CFAP74: variants seen among roughly 807,000 people sequenced by gnomAD.
CFAP74 encodes the protein cilia- and flagella-associated protein 74.
CFAP74 carries 124 observed loss-of-function variants against 188.9 expected under a neutral mutation model. The observed-to-expected ratio is 0.66, with a 90% CI of 0.57 to 0.76. The LOEUF (loss-of-function observed/expected upper bound fraction) is 0.76. Ranked by LOEUF, CFAP74 falls within the 30% of genes least tolerant of loss-of-function variation. CFAP74 has a pLI of 0.00. For missense variants in CFAP74, 2,198 were observed against 2,165.2 expected (o/e 1.02, Z -0.30); for synonymous variants, 956 against 916.7 (o/e 1.04, Z -0.77).
intron 8 of CFAP74, among the ~76,000 whole-genome samples, chr1:1,972,606 G>A (rs538909730): frequency 6.6e-6 from 1 of 152,356 alleles, no homozygotes; most frequent in Non-Finnish European, 1.5e-5. Flanking sequence ...GGCACTTTGG[G>A]AGGCTGAGGC....
At chr1:1,988,128 G>A in intron 4 of CFAP74, 1 of 477,830 alleles carries the variant, frequency 2.1e-6, no homozygotes, top group South Asian at 1.5e-5. Flanking sequence ...TAGTTTTTAG[G>A]AGACGCTGAA....
intron 11 of CFAP74, among the ~76,000 whole-genome samples, chr1:1,967,326 G>A (rs1050299488): frequency 5.9e-5 from 9 of 151,974 alleles, no homozygotes; most frequent in East Asian, 1.9e-4. Flanking sequence ...CCTGGGGACC[G>A]TCCTATGGAG....
chr1:1,932,396 C>CAAAA (rs374579472), intron 25 of CFAP74, among the ~76,000 whole-genome samples: 1 of 98,254 alleles, frequency 1.0e-5, no homozygotes. Flanking sequence ...GACTCTGTCT[C>CAAAA]AAAAAAAAAA....
chr1:1,927,020 TCG>T lies in CFAP74; in HGVS notation c.3534_3535del (p.Asp1178GlufsTer18). On this transcript the variant is annotated frameshift_variant, in exon 29 of 39. Transcript: ENST00000682832. LOFTEE classifies it high-confidence loss of function. Reference sequence around the variant, plus strand: ...CAGGGTGGCTCGGGCGGCCTGGTACTCGTCGGAACTAGAAGGAAGTCAGAGGC... The same window carrying T: ...CAGGGTGGCTCGGGCGGCCTGGTACTTCGGAACTAGAAGGAAGTCAGAGGC... The T allele has an allele frequency of 6.5e-7, 1 of 1,550,194 alleles. No individual in the cohort carries two copies. The highest frequency in any genetic ancestry group is 8.7e-7 in the Non-Finnish European group (1 of 1,146,850).
chr1:1,930,422 C>A, intron 25 of CFAP74, 86 bp from the exon 26 acceptor site: 3 of 1,345,904 alleles, frequency 2.2e-6, no homozygotes, highest in Non-Finnish European at 3.0e-6. Context: ...GGGTGGAGGA[C>A]AAGCCCCGGG....
At chr1:1,971,050 C>T (rs1655962514) in intron 9 of CFAP74, among the ~76,000 whole-genome samples, 1 of 149,776 alleles carries the variant, frequency 6.7e-6, no homozygotes, top group African/African-American at 2.5e-5. Context: ...CACACGTGCA[C>T]ACACATGCTC....
At chr1:1,937,043 G>A (rs376703140) in intron 25 of CFAP74, among the ~76,000 whole-genome samples, 6 of 152,200 alleles carry the variant, frequency 3.9e-5, no homozygotes, top group South Asian at 4.1e-4. Flanking sequence ...TTGTGTAAAC[G>A]GCGAAGCAAA....
intron 18 of CFAP74, among the ~76,000 whole-genome samples, chr1:1,949,036 C>CTCCT (rs539224340): frequency 0.077 from 7,660 of 99,924 alleles, 526 homozygotes; most frequent in African/African-American, 0.19. Flanking sequence ...CTCTCCCTCC[C>CTCCT]TCCTTCCTTC....
At position 1,968,903 on chromosome 1, in the gene CFAP74, G is replaced by C; in HGVS notation, c.1047-70C>G. 2 of 1,447,516 alleles carry C rather than the reference G, an allele frequency of 1.4e-6. No individual in the cohort carries two copies. Among genetic ancestry groups the C allele is most frequent in the Non-Finnish European group, 1.9e-6 (2 of 1,047,002 alleles). 89.7% of individuals were successfully genotyped at this position (1,447,516 alleles called of 1,614,324 possible). ...TCCACCTTGCCCCAGATGAGACAGT[G>C]CCCGGCGGCCCCTCCCTAGCGCCCT... On this transcript the variant is annotated intron_variant, in intron 10 of 38. Transcript: ENST00000682832. This position sits in a 1 kb window ranked among gnomAD's most constrained non-coding sequence, Gnocchi z 4.3.
At chr1:1,985,365 C>T in intron 6 of CFAP74, 21 bp downstream of exon 6, 2 of 1,597,846 alleles carry the variant, frequency 1.3e-6, no homozygotes, top group South Asian at 1.1e-5. Flanking sequence ...TGCTGCCAGT[C>T]CCGGCTGCAC....
rs753889273 is a variant in CFAP74, at chr1:1,972,663, T to C, written c.785+274A>G. Reference sequence around the variant, plus strand: ...GAGTTCAAGACCAGCCTGGTCAACATGGTGAAACCCCATCTCTACTAAAAA... The same window carrying C: ...GAGTTCAAGACCAGCCTGGTCAACACGGTGAAACCCCATCTCTACTAAAAA... On this transcript the variant is annotated intron_variant, in intron 8 of 38. Coordinates refer to ENST00000682832, the MANE Select transcript of CFAP74 (RefSeq NM_001304360.2). Among the ~76,000 whole-genome samples, 52 of 152,130 alleles carry C rather than the reference T, an allele frequency of 3.4e-4. 1 individual carries two copies. Among genetic ancestry groups the C allele is most frequent in the Non-Finnish European group, 1.0e-4 (7 of 68,018 alleles).
In CFAP74 at chr1:1,970,752, T is replaced by G; in HGVS notation, c.953A>C (p.Gln318Pro). Residue 318 changes from glutamine to proline, a missense_variant, in exon 10 of 39, where the codon CAG becomes CCG. By Grantham distance (76) the Gln-to-Pro change is moderately conservative (BLOSUM62 -1). Coordinates refer to ENST00000682832, the MANE Select transcript of CFAP74 (RefSeq NM_001304360.2). ...GGCCAGAATCGCCTTCTTCTCAGCC[T>G]GGACCCTCTGCTCCGCCAGCTCTGC... The part of the protein sequence containing the change: ...AKAELAEQRV[Q>P]AEKKAILAQG... 6.2e-7 allele frequency: 1 copy of G among 1,614,178 alleles called. No homozygotes were observed. The highest frequency in any genetic ancestry group is 8.5e-7 in the Non-Finnish European group (1 of 1,179,996).
chr1:1,996,945 AAAG>A (rs1309472819), intron 1 of CFAP74, among the ~76,000 whole-genome samples: 77 of 151,500 alleles, frequency 5.1e-4, no homozygotes, highest in African/African-American at 1.0e-3. Context: ...AGAAAAAAAA[AAAG>A]AAGAAGAAGA....
chr1:1,959,065 G>C, intron 16 of CFAP74, 55 bp downstream of exon 16: 1 of 1,275,328 alleles, frequency 7.8e-7, no homozygotes, highest in Non-Finnish European at 1.1e-6. Context: ...TCCCCCACTG[G>C]GGTTCCCAGC....
rs1157105836 is a variant in CFAP74, at chr1:1,926,462, G to C, written c.3823C>G (p.Leu1275Val). ...AGCTGGGTGGACAAGGACACGGCCA[G>C]ATCCTCGGGAGAGACGTTCTGGATG... The part of the protein sequence containing the change: ...ISIQNVSPED[L>V]ALDFSLLNPN... The change falls in exon 31 of 39, where the codon CTG becomes GTG. Residue 1275 changes from leucine to valine, a missense_variant. Leu to Val is a conservative substitution (Grantham distance 32). Transcript: ENST00000682832. 1 of 1,550,164 alleles carries C rather than the reference G, an allele frequency of 6.5e-7. No homozygotes were observed.
intron 20 of CFAP74, among the ~76,000 whole-genome samples, chr1:1,945,703 C>T (rs1263886998): frequency 6.6e-6 from 1 of 152,004 alleles, no homozygotes; most frequent in Middle Eastern, 3.2e-3. Flanking sequence ...TGGCACGCAC[C>T]TGTAATCCCA....
intron 10 of CFAP74, among the ~76,000 whole-genome samples, 173 bp downstream of exon 10, chr1:1,970,486 G>A (rs1360531104): frequency 6.6e-6 from 1 of 152,186 alleles, no homozygotes; most frequent in Admixed American, 6.5e-5. Context: ...TCAGGCCCAG[G>A]CAGGGCAAGG....
chr1:1,925,574 TCTG>T (rs1329342972), intron 33 of CFAP74, among the ~76,000 whole-genome samples: 2 of 152,076 alleles, frequency 1.3e-5, no homozygotes, highest in African/African-American at 2.4e-5. Context: ...CTAGGGGACA[TCTG>T]CAGCCTCCCC....
chr1:1,961,533 T>C (rs1655091334), intron 14 of CFAP74, among the ~76,000 whole-genome samples: 1 of 151,948 alleles, frequency 6.6e-6, no homozygotes, highest in Non-Finnish European at 1.5e-5. Flanking sequence ...CATCCCAGCG[T>C]GGGGAGGAAT....
Sources: allele counts gnomAD v4.1 joint callset (sites outside exome capture counted in the v4.1 genomes callset), GRCh38; gene constraint gnomAD v4.1.1; non-coding constraint Gnocchi (gnomAD v3.1); transcripts MANE v1.5; gene names NCBI Gene and HGNC (gene_info 2026-07-23, HGNC 2026-07-21).